The following CARNS1 variants were observed in gnomAD, a reference collection of about 807,000 sequenced individuals.
The protein encoded by CARNS1 is ATP-grasp domain containing 1.
A neutral mutation model predicts 74.0 loss-of-function variants in CARNS1; 61 were observed. The ratio of observed to expected loss-of-function variants is 0.82; its 90% CI spans 0.67 to 1.02. The LOEUF (loss-of-function observed/expected upper bound fraction) is 1.02. CARNS1 is among the 50% of genes least tolerant of loss of function. CARNS1 has a pLI of 0.00. For synonymous variants in CARNS1, 568 were observed against 605.5 expected (o/e 0.94, Z 0.91); for missense variants, 1,278 against 1,308.4 (o/e 0.98, Z 0.36).
In CARNS1 at chr11:67,423,124, G is replaced by C. The variant is rs1461259450; in HGVS notation, c.1627-251G>C. Among the ~76,000 whole-genome samples, 1 of 152,100 alleles carries C rather than the reference G, an allele frequency of 6.6e-6. No individual in the cohort carries two copies. Among genetic ancestry groups the C allele is most frequent in the Admixed American group, 6.5e-5 (1 of 15,276 alleles). ...ATGCCTTTTCCTCCTGCAGCCACCT[G>C]GCTGACTCATATTCTTCAGCTCCCA... On this transcript the variant is annotated intron_variant, in intron 9 of 9. Transcript: ENST00000687366. This position sits in a 1 kb window ranked among gnomAD's most constrained non-coding sequence, Gnocchi z 5.1.
Position 67,419,086 on chromosome 11 carries a change from T to C in CARNS1, c.695T>C (p.Leu232Pro). Residue 232 changes from leucine (L) to proline (P), a missense_variant, in exon 5 of 10, where the codon CTG (leucine) becomes CCG (proline). Leu to Pro is a moderately conservative substitution (Grantham distance 98). Around this residue, in one of 3 missense-constraint regions of CARNS1, gnomAD observed 1,164 missense variants for 1,156.5 expected, o/e 1.01. Transcript: ENST00000687366. Reference protein sequence around the residue: ...QQGGVAVPATLAFTYKPPGLL... With the variant: ...QQGGVAVPATPAFTYKPPGLL... ...GGTGGTGTGGCTGTGCCAGCAACCCTGGCTTTCACCTACAAGCCGCCGGGG... is the reference window on the plus strand; with the variant it reads ...GGTGGTGTGGCTGTGCCAGCAACCCCGGCTTTCACCTACAAGCCGCCGGGG... 1.9e-6 allele frequency: 3 copies of C among 1,567,316 alleles called. No homozygotes were observed. Among genetic ancestry groups the C allele is most frequent in the Non-Finnish European group, 1.7e-6 (2 of 1,156,680 alleles).
Position 67,417,462 on chromosome 11 carries a change from T to C in CARNS1, c.59T>C (p.Leu20Pro), listed in dbSNP as rs965968659. The change falls in exon 3 of 10, where the codon CTG (leucine) becomes CCG (proline). Residue 20 changes from leucine to proline, a missense_variant. This residue lies in a region of CARNS1 where 104 missense variants were observed against 127.3 expected (regional missense o/e 0.82). Coordinates refer to ENST00000687366, the MANE Select transcript of CARNS1 (RefSeq NM_001166222.2). ...EWDCPLGSKD[L>P]EEEGPWGGGS... ...GATTGCCCACTGGGCTCCAAGGACC[T>C]GGAGGAAGAGGGCCCCTGGGGAGGG... The C allele has an allele frequency of 2.8e-6, 4 of 1,447,382 alleles. No individual in the cohort carries two copies. The African/African-American group carries it at 4.4e-5, about 16-fold the overall frequency. The allele number at this position is 1,447,382 out of a possible 1,614,324, so 89.7% of individuals were successfully genotyped here.
At position 67,418,945 on chromosome 11, in the gene CARNS1, G is replaced by A. The variant is rs546961055; in HGVS notation, c.554G>A (p.Arg185Gln). ...GCAGGCCTGGGCCTGGGGCCTGGCC[G>A]GGGCCGAGAGGCAGCAGAACTCGCC... ...FLAGLGLGPG[R>Q]GREAAELARD... Residue 185 changes from arginine to glutamine, a missense_variant, in exon 5 of 10, where the codon CGG (arginine) becomes CAG (glutamine). Physicochemically the swap from Arg to Gln is conservative, Grantham distance 43. Transcript: ENST00000687366. 66 of 1,575,416 alleles carry A rather than the reference G, an allele frequency of 4.2e-5. No homozygotes were observed. The African/African-American group carries it at 6.3e-4, about 15-fold the overall frequency.
intron 8 of CARNS1, 21 bp downstream of exon 8, chr11:67,420,861 C>T: frequency 2.4e-6 from 3 of 1,268,032 alleles, no homozygotes; most frequent in Middle Eastern, 3.1e-4. Flanking sequence ...GCGGCCGGGG[C>T]CGGGGCCGGG....
rs933600943 is a variant in CARNS1 at position 67,415,752 on chromosome 11, TGCCGCC to T, written c.-32_-27del. On this transcript the variant is annotated 5_prime_UTR_variant, in exon 1 of 10. Coordinates refer to ENST00000687366, the MANE Select transcript of CARNS1 (RefSeq NM_001166222.2). ...CCGCCCGCCACGCCCGCCGAGCCGC[TGCCGCC>T]GCCAGGTACCCCAGCTCCGGCCCCG... 1.9e-5 allele frequency: 3 copies of T among 154,042 alleles called. No individual in the cohort carries two copies. Among genetic ancestry groups the T allele is most frequent in the Non-Finnish European group, 4.3e-5 (3 of 69,162 alleles). 9.5% of individuals were successfully genotyped at this position (154,042 alleles called of 1,614,324 possible).
In CARNS1 at chr11:67,424,698, C is replaced by T. The variant is rs144378574; in HGVS notation, c.*97C>T. 8 of 1,305,620 alleles carry T rather than the reference C, an allele frequency of 6.1e-6. No individual in the cohort carries two copies. In the East Asian group the frequency reaches 7.5e-5, roughly 12 times the overall value. 80.9% of individuals were successfully genotyped at this position (1,305,620 alleles called of 1,614,324 possible). ...TCCTGCTTCTCTCCCCATCACCATG[C>T]CCCAGCCCCAGCCTGGCCCGCTGCA... is the stretch of plus-strand genomic sequence containing the variant. On this transcript the variant is annotated 3_prime_UTR_variant, in exon 10 of 10. Transcript: ENST00000687366.
intron 7 of CARNS1, 58 bp downstream of exon 7, chr11:67,419,896 A>G (rs1863652448): frequency 5.2e-6 from 8 of 1,528,640 alleles, no homozygotes; most frequent in Non-Finnish European, 5.3e-6. Context: ...GCCCAGTCCC[A>G]GTAGTGGTTT....
Position 67,423,846 on chromosome 11 carries a change from C to T in CARNS1, c.2098C>T (p.Arg700Trp), listed in dbSNP as rs187727543. 1.2e-5 allele frequency: 20 copies of T among 1,612,326 alleles called. No homozygotes were observed. Among genetic ancestry groups the T allele is most frequent in the East Asian group, 4.5e-5 (2 of 44,882 alleles). Residue 700 changes from arginine to tryptophan, a missense_variant, in exon 10 of 10, where the codon CGG (arginine) becomes TGG (tryptophan). This residue lies in a region of CARNS1 where 1,164 missense variants were observed against 1,156.5 expected (regional missense o/e 1.01). Coordinates refer to ENST00000687366, the MANE Select transcript of CARNS1 (RefSeq NM_001166222.2). The surrounding 1 kb of genome is among the most constrained non-coding windows in gnomAD (Gnocchi z 5.1). ...GCCACAGTGCCATGAGCACTTTTCCCGGATTACCCGAGACTTGCAGGGCGA... is the reference window on the plus strand; with the variant it reads ...GCCACAGTGCCATGAGCACTTTTCCTGGATTACCCGAGACTTGCAGGGCGA... ...DAPQCHEHFS[R>W]ITRDLQGEAD...
Position 67,420,768 on chromosome 11 carries a change from G to T in CARNS1, c.1273G>T (p.Ala425Ser). ...GGCGGCGGCCGAGGCCGCGCTGGCC[G>T]CCGTGCTGGCTCTGGAGGCCGGCCT... is the stretch of plus-strand genomic sequence containing the variant. ...VKAAAEAALA[A>S]VLALEAGLSA... The change falls in exon 8 of 10, where the codon GCC (alanine) becomes TCC (serine). Residue 425 changes from alanine to serine, a missense_variant. This residue lies in a region of CARNS1 where 1,164 missense variants were observed against 1,156.5 expected (regional missense o/e 1.01). Coordinates refer to ENST00000687366, the MANE Select transcript of CARNS1 (RefSeq NM_001166222.2). The T allele has an allele frequency of 8.1e-7, 1 of 1,240,374 alleles. No homozygotes were observed. The allele number at this position is 1,240,374 out of a possible 1,614,324, so 76.8% of individuals were successfully genotyped here.
chr11:67,421,171 C>G lies in CARNS1; in HGVS notation c.1578C>G (p.Gly526=), dbSNP rs1011108306. 1.3e-6 allele frequency: 2 copies of G among 1,495,948 alleles called. No homozygotes were observed. Among genetic ancestry groups the G allele is most frequent in the Non-Finnish European group, 1.8e-6 (2 of 1,128,774 alleles). 92.7% of individuals were successfully genotyped at this position (1,495,948 alleles called of 1,614,324 possible). Residue 526 remains glycine (G), a synonymous_variant, in exon 9 of 10, where the codon GGC becomes GGG. Coordinates refer to ENST00000687366, the MANE Select transcript of CARNS1 (RefSeq NM_001166222.2). ...GKQLLVVGAG[G]VSKKFVWEAA... ...AGCTGCTGGTGGTCGGCGCTGGCGG[C>G]GTCAGCAAGAAGTTCGTGTGGGAGG...
At position 67,420,601 on chromosome 11, in the gene CARNS1, CT is replaced by C; in HGVS notation, c.1114-7del. 1 of 1,237,352 alleles carries C rather than the reference CT, an allele frequency of 8.1e-7. No individual in the cohort carries two copies. 76.6% of individuals were successfully genotyped at this position (1,237,352 alleles called of 1,614,324 possible). A position where few individuals can be genotyped will look rare whatever the true frequency, so the allele number is the denominator to read the frequency against. On this transcript the variant is annotated splice_polypyrimidine_tract_variant and splice_region_variant and intron_variant, in intron 7 of 9. Transcript: ENST00000687366. Reference sequence around the variant, plus strand: ...TGTGGGCCTCCCCCTGAGTCTCCCCCTGCCCAGGTGGTGTGCGGCGTGGGCC... The same window carrying C: ...TGTGGGCCTCCCCCTGAGTCTCCCCCGCCCAGGTGGTGTGCGGCGTGGGCC...
chr11:67,420,269 C>T (rs924132358), intron 7 of CARNS1, among the ~76,000 whole-genome samples: 1 of 152,148 alleles, frequency 6.6e-6, no homozygotes, highest in Non-Finnish European at 1.5e-5. Flanking sequence ...AGATTCGACC[C>T]TGCCCTCAGG....
Position 67,421,048 on chromosome 11 carries a change from C to T in CARNS1, c.1455C>T (p.Ala485=), listed in dbSNP as rs1233290657. 48 of 1,357,792 alleles carry T rather than the reference C, an allele frequency of 3.5e-5. No individual in the cohort carries two copies. Among genetic ancestry groups the T allele is most frequent in the Non-Finnish European group, 4.4e-5 (47 of 1,066,162 alleles). The allele number at this position is 1,357,792 out of a possible 1,614,324, so 84.1% of individuals were successfully genotyped here. The change falls in exon 9 of 10, where the codon GCC becomes GCT. Residue 485 remains alanine (A), a synonymous_variant. Coordinates refer to ENST00000687366, the MANE Select transcript of CARNS1 (RefSeq NM_001166222.2). ...EACGALEGLW[A]APRLGPAADE... ...GCGGCGCGCTGGAGGGGCTGTGGGCCGCGCCGCGGCTGGGGCCGGCGGCCG... is the reference window on the plus strand; with the variant it reads ...GCGGCGCGCTGGAGGGGCTGTGGGCTGCGCCGCGGCTGGGGCCGGCGGCCG...
chr11:67,423,962 G>A lies in CARNS1; in HGVS notation c.2214G>A (p.Val738=). 6.2e-7 allele frequency: 1 copy of A among 1,613,564 alleles called. No individual in the cohort carries two copies. The highest frequency in any genetic ancestry group is 1.1e-5 in the South Asian group (1 of 91,082). The stretch of plus-strand genomic sequence containing the variant: ...GCACCGAGCACGACGTGGACCTGGT[G>A]TTGTTTGGTGGGCGGTTGCTGGCTG... ...VEGTEHDVDL[V]LFGGRLLAAF... The change falls in exon 10 of 10, where the codon GTG becomes GTA. Residue 738 remains valine (V), a synonymous_variant. Coordinates refer to ENST00000687366, the MANE Select transcript of CARNS1 (RefSeq NM_001166222.2). This position sits in a 1 kb window ranked among gnomAD's most constrained non-coding sequence, Gnocchi z 5.1.
In CARNS1 at chr11:67,424,883, A is replaced by ACACACACACT. The variant is rs1192200453; in HGVS notation, c.*291_*292insTCACACACAC. 1 of 630,010 alleles carries ACACACACACT rather than the reference A, an allele frequency of 1.6e-6. No homozygotes were observed. The highest frequency in any genetic ancestry group is 1.8e-5 in the African/African-American group (1 of 55,288). The allele number at this position is 630,010 out of a possible 1,614,324, so 39.0% of individuals were successfully genotyped here. Reference sequence around the variant, plus strand: ...TGGCCACACACACACACACACACACACACACACACCTCTGACGCCAGCTCC... The same window carrying ACACACACACT: ...TGGCCACACACACACACACACACACACACACACACTCACACACACCTCTGACGCCAGCTCC... On this transcript the variant is annotated 3_prime_UTR_variant, in exon 10 of 10. Coordinates refer to ENST00000687366, the MANE Select transcript of CARNS1 (RefSeq NM_001166222.2).
intron 2 of CARNS1, 193 bp from the exon 3 acceptor site, chr11:67,417,214 C>T: frequency 8.1e-7 from 1 of 1,231,110 alleles, no homozygotes; most frequent in Non-Finnish European, 1.0e-6. Flanking sequence ...GAACAGTTTA[C>T]AAAGCACTCC....
chr11:67,421,368 G>A (rs1415465886), intron 9 of CARNS1, 149 bp downstream of exon 9: 3 of 946,702 alleles, frequency 3.2e-6, no homozygotes, highest in Non-Finnish European at 4.3e-6. Context: ...TCCTGGCCAG[G>A]TACAAGTAAG....
In CARNS1 at chr11:67,419,133, A is replaced by G; in HGVS notation, c.742A>G (p.Ser248Gly). ...PPGLLRGGDASLGLRLVELSG... is the reference protein window; with the variant it reads ...PPGLLRGGDAGLGLRLVELSG... ...GGGGCTGCTGCGGGGAGGGGATGCC[A>G]GCCTAGGGCTACGGCTGGTGGAGCT... Residue 248 changes from serine to glycine, a missense_variant, in exon 5 of 10, where the codon AGC becomes GGC. By Grantham distance (56) the Ser-to-Gly change is moderately conservative. Transcript: ENST00000687366. 1.3e-6 allele frequency: 2 copies of G among 1,573,282 alleles called. No individual in the cohort carries two copies. Among genetic ancestry groups the G allele is most frequent in the Non-Finnish European group, 1.7e-6 (2 of 1,157,676 alleles).
In CARNS1 at chr11:67,419,822, G is replaced by C. The variant is rs1311501798; in HGVS notation, c.1097G>C (p.Arg366Thr). The C allele has an allele frequency of 6.3e-7, 1 of 1,589,668 alleles. No individual in the cohort carries two copies. Among genetic ancestry groups the C allele is most frequent in the Admixed American group, 1.8e-5 (1 of 56,740 alleles). Residue 366 changes from arginine to threonine, a missense_variant, in exon 7 of 10, where the codon AGG becomes ACG. Arg to Thr is a moderately conservative substitution (Grantham distance 71). Coordinates refer to ENST00000687366, the MANE Select transcript of CARNS1 (RefSeq NM_001166222.2). ...CAVVCRTQGD[R>T]PLLSKVVCGV... ...GTGGTGTGTCGGACACAGGGTGATA[G>C]GCCACTGCTGAGCAAGGTGAGCGTG...
Sources: gnomAD v4.1 joint callset for allele counts (sites outside exome capture counted in the v4.1 genomes callset) on GRCh38, gnomAD v4.1.1 for gene constraint, gnomAD v4.1.1 regional missense constraint, Gnocchi (gnomAD v3.1) non-coding constraint, MANE v1.5 for transcripts, NCBI Gene and HGNC (gene_info 2026-07-23, HGNC 2026-07-21) for gene names.